Variants in NALF1 observed in about 807,000 individuals in gnomAD.
NALF1 encodes the protein family with sequence similarity 155 member A.
A neutral mutation model predicts 48.4 loss-of-function variants in NALF1; 3 were observed. The ratio of observed to expected loss-of-function variants is 0.06; its 90% CI spans 0.03 to 0.16. The LOEUF is 0.16. Ranked by LOEUF, NALF1 falls within the 10% of genes least tolerant of loss-of-function variation. NALF1 has a pLI of 1.00. For synonymous variants in NALF1, 262 were observed against 245.7 expected (o/e 1.07, Z -0.62); for missense variants, 526 against 571.5 (o/e 0.92, Z 0.81).
chr13:107,465,214 G>A (rs564656805), intron 1 of NALF1, among the ~76,000 whole-genome samples: 9 of 151,824 alleles, frequency 5.9e-5, no homozygotes, highest in Admixed American at 3.3e-4. Context: ...TAATATAAAA[G>A]GAAATGCTAC....
chr13:107,650,174 A>C (rs1380414257), intron 1 of NALF1, among the ~76,000 whole-genome samples: 1 of 152,062 alleles, frequency 6.6e-6, no homozygotes, highest in East Asian at 1.9e-4. Context: ...GTTTCGATTT[A>C]TCTGATAAGG....
chr13:107,525,976 A>C (rs1876421022), intron 1 of NALF1, among the ~76,000 whole-genome samples: 1 of 151,938 alleles, frequency 6.6e-6, no homozygotes, highest in South Asian at 2.1e-4. Context: ...TCATTTTTTA[A>C]TTGGTTTGTT....
intron 1 of NALF1, among the ~76,000 whole-genome samples, chr13:107,437,403 TA>T (rs1001495692): frequency 1.3e-5 from 2 of 152,104 alleles, no homozygotes; most frequent in East Asian, 1.9e-4. Flanking sequence ...TCCTTTAAAA[TA>T]AAAAAAGGAC....
intron 1 of NALF1, among the ~76,000 whole-genome samples, chr13:107,587,901 T>C (rs1878503389): frequency 6.6e-6 from 1 of 152,138 alleles, no homozygotes; most frequent in South Asian, 2.1e-4. Flanking sequence ...ATGGAGTGTC[T>C]AACTCCTCTC....
At chr13:107,541,361 C>A (rs748468207) in intron 1 of NALF1, among the ~76,000 whole-genome samples, 13 of 152,092 alleles carry the variant, frequency 8.5e-5, no homozygotes, top group Non-Finnish European at 1.8e-4. Flanking sequence ...TGCAGAAGTA[C>A]CCCTTCTCTT....
intron 1 of NALF1, among the ~76,000 whole-genome samples, chr13:107,462,005 C>T (rs1468549289): frequency 6.6e-6 from 1 of 152,124 alleles, no homozygotes; most frequent in Non-Finnish European, 1.5e-5. Flanking sequence ...AAGGTAGTCC[C>T]TTATTTACCC....
At chr13:107,801,103 G>GA (rs1364775947) in intron 1 of NALF1, among the ~76,000 whole-genome samples, 1 of 152,132 alleles carries the variant, frequency 6.6e-6, no homozygotes, top group Non-Finnish European at 1.5e-5. Flanking sequence ...TTACTTAGCA[G>GA]ATTTTTCTAC....
intron 1 of NALF1, among the ~76,000 whole-genome samples, chr13:107,678,787 T>G: frequency 6.6e-6 from 1 of 152,244 alleles, no homozygotes; most frequent in South Asian, 2.1e-4. Flanking sequence ...CCATCAGATC[T>G]CGTGAGAACT....
chr13:107,574,393 C>T (rs1357488246), intron 1 of NALF1, among the ~76,000 whole-genome samples: 1 of 152,180 alleles, frequency 6.6e-6, no homozygotes, highest in Non-Finnish European at 1.5e-5. Context: ...TATTTCTTCT[C>T]TCCAAACCCC....
intron 1 of NALF1, among the ~76,000 whole-genome samples, chr13:107,369,451 T>A (rs1883210671): frequency 6.6e-6 from 1 of 152,198 alleles, no homozygotes; most frequent in Admixed American, 6.5e-5. Flanking sequence ...TGTATACATC[T>A]GTGTATATAT....
chr13:107,402,764 C>G (rs190436740), intron 1 of NALF1, among the ~76,000 whole-genome samples: 2 of 152,036 alleles, frequency 1.3e-5, no homozygotes, highest in East Asian at 1.9e-4. Flanking sequence ...TGCCTAGAAA[C>G]GGGATTACAT....
chr13:107,363,794 G>A (rs1883105911), intron 1 of NALF1, among the ~76,000 whole-genome samples: 1 of 152,114 alleles, frequency 6.6e-6, no homozygotes, highest in African/African-American at 2.4e-5. Context: ...ATAAATAAAA[G>A]CATAAAACAT....
intron 1 of NALF1, among the ~76,000 whole-genome samples, chr13:107,299,679 T>G (rs1448835677): frequency 7.3e-6 from 1 of 137,132 alleles, no homozygotes; most frequent in East Asian, 2.1e-4. Flanking sequence ...GAAGAACTGT[T>G]CCTTATTTAT....
intron 1 of NALF1, among the ~76,000 whole-genome samples, chr13:107,215,511 T>G (rs1396551927): frequency 6.6e-6 from 1 of 152,158 alleles, no homozygotes; most frequent in Non-Finnish European, 1.5e-5. Context: ...TGAAGATTTT[T>G]TTTTTTTAAA....
At chr13:107,821,011 G>A (rs765130210) in intron 1 of NALF1, among the ~76,000 whole-genome samples, 21 of 152,100 alleles carry the variant, frequency 1.4e-4, no homozygotes, top group Admixed American at 3.3e-4. Flanking sequence ...ACACAAGCAC[G>A]AATTCCAGTC....
intron 1 of NALF1, among the ~76,000 whole-genome samples, chr13:107,800,605 AATATAAT>A (rs1458294242): frequency 7.3e-6 from 1 of 137,648 alleles, no homozygotes; most frequent in Admixed American, 7.4e-5. Context: ...TAAATTATGT[AATATAAT>A]ATATATATTA....
intron 1 of NALF1, among the ~76,000 whole-genome samples, chr13:107,718,933 C>T (rs1875902593): frequency 6.6e-6 from 1 of 152,202 alleles, no homozygotes; most frequent in African/African-American, 2.4e-5. Flanking sequence ...CCCTTCATCT[C>T]AGAATATTCT....
intron 1 of NALF1, among the ~76,000 whole-genome samples, chr13:107,860,895 C>T (rs1484385526): frequency 6.6e-6 from 1 of 152,142 alleles, no homozygotes; most frequent in Non-Finnish European, 1.5e-5. Context: ...TTTAATTCAT[C>T]ATGTATATGT....
chr13:107,341,361 T>G (rs774667914), intron 1 of NALF1, among the ~76,000 whole-genome samples: 18 of 152,120 alleles, frequency 1.2e-4, no homozygotes, highest in Admixed American at 6.6e-4. Context: ...ATACCCTGTG[T>G]GTGTGTGTGT....
Sources: gnomAD v4.1 joint callset for allele counts (sites outside exome capture counted in the v4.1 genomes callset) on GRCh38, gnomAD v4.1.1 for gene constraint, MANE v1.5 for transcripts, NCBI Gene and HGNC (gene_info 2026-07-23, HGNC 2026-07-21) for gene names.